DDX18: variants seen among roughly 807,000 people sequenced by gnomAD.
The protein encoded by DDX18 is ATP-dependent RNA helicase DDX18.
In DDX18, 23 loss-of-function variants were observed where a neutral mutation model predicts 73.5. That is an observed-to-expected ratio of 0.31 (90% CI 0.23 to 0.44). The LOEUF (loss-of-function observed/expected upper bound fraction) is 0.44. Ranked by LOEUF, DDX18 falls within the 20% of genes least tolerant of loss-of-function variation. The pLI is 1.00. For missense variants in DDX18, 753 were observed against 792.9 expected, an observed-to-expected ratio of 0.95 and a Z score of 0.60; for synonymous variants, 268 against 282.7, an observed-to-expected ratio of 0.95 and a Z score of 0.52.
rs1481933909 is a variant in DDX18 at position 117,824,778 on chromosome 2, C to G, written c.1206+70C>G. The G allele has an allele frequency of 1.3e-5, 19 of 1,477,014 alleles. No homozygotes were observed. The Admixed American group carries it at 4.8e-4, about 37-fold the overall frequency. The allele number at this position is 1,477,014 out of a possible 1,614,324, so 91.5% of individuals were successfully genotyped here. On this transcript the variant is annotated intron_variant, in intron 8 of 13. Transcript: ENST00000263239. ...GTTTTTATGTAATTGTTGGAAGGAT[C>G]ATTCAGAAAGCAAATGGGTTAATGA...
chr2:117,817,323 AAG>A, intron 1 of DDX18, 119 bp from the exon 2 acceptor site: 1 of 972,150 alleles, frequency 1.0e-6, no homozygotes, highest in Non-Finnish European at 1.5e-6. Context: ...AATTACATGA[AAG>A]AGAAGAAAAT....
intron 3 of DDX18, among the ~76,000 whole-genome samples, chr2:117,820,101 A>C (rs1057197701): frequency 3.9e-5 from 6 of 152,204 alleles, no homozygotes; most frequent in Non-Finnish European, 1.5e-5. Context: ...GTAATAGGAA[A>C]ATGATTGGCC....
At chr2:117,820,874 C>T (rs1024502519) in intron 3 of DDX18, among the ~76,000 whole-genome samples, 1 of 151,868 alleles carries the variant, frequency 6.6e-6, no homozygotes, top group Non-Finnish European at 1.5e-5. Flanking sequence ...TCATTATTTT[C>T]CTTGTTTTGG....
At chr2:117,825,735 G>A in intron 10 of DDX18, 136 bp downstream of exon 10, 1 of 1,101,192 alleles carries the variant, frequency 9.1e-7, no homozygotes. Flanking sequence ...GTATTTCTCT[G>A]GTATTGAAAA....
rs1558736011 is a variant in DDX18, at chr2:117,831,509, CT to C, written c.*788del. On this transcript the variant is annotated 3_prime_UTR_variant, in exon 14 of 14. Coordinates refer to ENST00000263239, the MANE Select transcript of DDX18 (RefSeq NM_006773.4). ...TCTTCATTTGGTAACATAACAAAGA[CT>C]TTCATACAAAGAACGATGATGCTCC... The C allele has an allele frequency of 2.0e-5, 3 of 152,152 alleles. No individual in the cohort carries two copies. Among genetic ancestry groups the C allele is most frequent in the African/African-American group, 7.2e-5 (3 of 41,418 alleles). The allele number at this position is 152,152 out of a possible 1,614,324, so 9.4% of individuals were successfully genotyped here.
Position 117,830,889 on chromosome 2 carries a change from CT to C in DDX18, c.*169del. On this transcript the variant is annotated 3_prime_UTR_variant, in exon 14 of 14. Transcript: ENST00000263239. The stretch of plus-strand genomic sequence containing the variant: ...GCACTGTTACTTCTATCACGTCTCT[CT>C]TTTATTTCTGGGATATAAAACAGGC... The C allele has an allele frequency of 1.4e-6, 1 of 733,194 alleles. No homozygotes were observed. Among genetic ancestry groups the C allele is most frequent in the African/African-American group, 1.8e-5 (1 of 54,110 alleles). 45.4% of individuals were successfully genotyped at this position (733,194 alleles called of 1,614,324 possible). A position where few individuals can be genotyped will look rare whatever the true frequency, so the allele number is the denominator to read the frequency against.
At chr2:117,822,438 A>G (rs1305784800) in intron 7 of DDX18, 177 bp downstream of exon 7, 3 of 554,118 alleles carry the variant, frequency 5.4e-6, no homozygotes, top group Non-Finnish European at 6.4e-6. Context: ...ATAACTTGAT[A>G]TAATAGTTTT....
chr2:117,817,109 T>G (rs922906792), intron 1 of DDX18, among the ~76,000 whole-genome samples: 1 of 152,222 alleles, frequency 6.6e-6, no homozygotes, highest in African/African-American at 2.4e-5. Flanking sequence ...CAAATACTTA[T>G]GTTTATTCTG....
Position 117,814,806 on chromosome 2 carries a change from G to T in DDX18, c.29G>T (p.Arg10Leu). The change falls in exon 1 of 14, where the codon CGT (arginine) becomes CTT (leucine). Residue 10 changes from arginine (R) to leucine (L), a missense_variant. Arg to Leu is a moderately radical substitution (Grantham distance 102). Around this residue, in one of 3 missense-constraint regions of DDX18, gnomAD observed 345 missense variants for 352.0 expected, o/e 0.98. Coordinates refer to ENST00000263239, the MANE Select transcript of DDX18 (RefSeq NM_006773.4). MSHLPMKLL[R>L]KKIEKRNLKL... ...TCACACCTGCCGATGAAACTCCTGC[G>T]TAAGAAGATCGAGAAGCGGAACCTC... 2 of 1,614,204 alleles carry T rather than the reference G, an allele frequency of 1.2e-6. No homozygotes were observed. The highest frequency in any genetic ancestry group is 4.5e-5 in the East Asian group (2 of 44,882).
In DDX18 at chr2:117,828,949, G is replaced by A. The variant is rs1358459636; in HGVS notation, c.1636G>A (p.Val546Ile). The A allele has an allele frequency of 6.2e-7, 1 of 1,601,708 alleles. No homozygotes were observed. The highest frequency in any genetic ancestry group is 1.3e-5 in the African/African-American group (1 of 74,758). The change falls in exon 12 of 14, where the codon GTT becomes ATT. Residue 546 changes from valine to isoleucine, a missense_variant and splice_region_variant. Around this residue, in one of 3 missense-constraint regions of DDX18, gnomAD observed 402 missense variants for 419.4 expected, o/e 0.96. Transcript: ENST00000263239. Reference protein sequence around the residue: ...GFLRYLKQSKVPLSEFDFSWS... With the variant: ...GFLRYLKQSKIPLSEFDFSWS... ...TAATCTTAATACTTTTGATTTCTAG[G>A]TTCCATTAAGTGAATTTGACTTTTC... is the stretch of plus-strand genomic sequence containing the variant.
rs1385121306 is a variant in DDX18, at chr2:117,824,970, T to C, written c.1237T>C (p.Phe413Leu). The stretch of plus-strand genomic sequence containing the variant: ...TGTTGTTTGTCCTTCTGAAAAGAGA[T>C]TCCTTCTGCTCTTTACATTCCTTAA... ...GYVVCPSEKRFLLLFTFLKKN... is the reference protein window; with the variant it reads ...GYVVCPSEKRLLLLFTFLKKN... The change falls in exon 9 of 14, where the codon TTC (phenylalanine) becomes CTC (leucine). Residue 413 changes from phenylalanine (F) to leucine (L), a missense_variant. This residue lies in a region of DDX18 where 402 missense variants were observed against 419.4 expected (regional missense o/e 0.96). Transcript: ENST00000263239. 1 of 1,612,284 alleles carries C rather than the reference T, an allele frequency of 6.2e-7. No individual in the cohort carries two copies. The highest frequency in any genetic ancestry group is 1.7e-5 in the Admixed American group (1 of 59,518).
Position 117,817,660 on chromosome 2 carries a change from A to C in DDX18, c.302A>C (p.Gln101Pro). 6.2e-7 allele frequency: 1 copy of C among 1,612,468 alleles called. No individual in the cohort carries two copies. The highest frequency in any genetic ancestry group is 1.1e-5 in the South Asian group (1 of 90,324). The change falls in exon 2 of 14, where the codon CAG becomes CCG. Residue 101 changes from glutamine (Q) to proline (P), a missense_variant. By Grantham distance (76) the Gln-to-Pro change is moderately conservative. Transcript: ENST00000263239. ...TVLTNGEAAM[Q>P]SSNSESKKKK... Reference sequence around the variant, plus strand: ...TTAACCAATGGAGAAGCAGCAATGCAGTCTTCCAATTCAGAATCAAAAAAG... The same window carrying C: ...TTAACCAATGGAGAAGCAGCAATGCCGTCTTCCAATTCAGAATCAAAAAAG...
intron 7 of DDX18, chr2:117,822,601 A>T (rs1271382166): frequency 1.4e-5 from 3 of 221,604 alleles, no homozygotes. Context: ...TTGCAACATT[A>T]TGAACTGGTT....
chr2:117,830,591 G>C lies in DDX18; in HGVS notation c.1880G>C (p.Ser627Thr). ...TAATGTTTGCCTCCAGACGTCAACAGTAATGAAGGCAAGCAGAAAAAGCGA... is the reference window on the plus strand; with the variant it reads ...TAATGTTTGCCTCCAGACGTCAACACTAATGAAGGCAAGCAGAAAAAGCGA... Reference protein sequence around the residue: ...VPPFVDLNVNSNEGKQKKRGG... With the variant: ...VPPFVDLNVNTNEGKQKKRGG... The change falls in exon 14 of 14, where the codon AGT (serine) becomes ACT (threonine). Residue 627 changes from serine to threonine, a missense_variant. Physicochemically the swap from Ser to Thr is moderately conservative, Grantham distance 58. Transcript: ENST00000263239. 1 of 1,613,592 alleles carries C rather than the reference G, an allele frequency of 6.2e-7. No individual in the cohort carries two copies. Among genetic ancestry groups the C allele is most frequent in the Non-Finnish European group, 8.5e-7 (1 of 1,179,770 alleles).
chr2:117,826,220 C>T (rs931440051), intron 10 of DDX18, 49 bp from the exon 11 acceptor site: 2 of 1,528,164 alleles, frequency 1.3e-6, no homozygotes, highest in Non-Finnish European at 1.8e-6. Flanking sequence ...CGCAAATGGG[C>T]TCATGTGGAA....
At chr2:117,817,015 T>C (rs1679770197) in intron 1 of DDX18, among the ~76,000 whole-genome samples, 1 of 152,242 alleles carries the variant, frequency 6.6e-6, no homozygotes, top group South Asian at 2.1e-4. Context: ...TGGGGTTGAA[T>C]GTTTTGAAGT....
chr2:117,822,095 A>G, intron 6 of DDX18, 34 bp downstream of exon 6: 13 of 1,613,900 alleles, frequency 8.1e-6, no homozygotes, highest in Non-Finnish European at 1.1e-5. Flanking sequence ...ATTGTCTTGT[A>G]TGAAACATAA....
intron 11 of DDX18, chr2:117,826,732 G>A: frequency 4.2e-6 from 1 of 240,086 alleles, no homozygotes; most frequent in South Asian, 7.0e-5. Context: ...CTCATGTGAA[G>A]CAGTGGGGAA....
intron 13 of DDX18, 23 bp from the exon 14 acceptor site, chr2:117,830,559 A>G: frequency 6.2e-7 from 1 of 1,600,844 alleles, no homozygotes; most frequent in Non-Finnish European, 8.5e-7. Context: ...TTTTTGCTTG[A>G]TTTCCTTAAT....
Sources: allele counts gnomAD v4.1 joint callset (sites outside exome capture counted in the v4.1 genomes callset), GRCh38; gene constraint gnomAD v4.1.1; regional missense constraint gnomAD v4.1.1; transcripts MANE v1.5; gene names NCBI Gene and HGNC (gene_info 2026-07-23, HGNC 2026-07-21).